Variants in ZNF235 observed in about 807,000 individuals in gnomAD.
ZNF235 encodes the protein zinc finger protein 235.
A neutral mutation model predicts 29.4 loss-of-function variants in ZNF235; 25 were observed. The observed-to-expected ratio is 0.85, with a 90% CI of 0.62 to 1.19. ZNF235 has a LOEUF of 1.19. Among genes scored for constraint, ZNF235 ranks in the 50% most tolerant of loss-of-function variants. ZNF235 has a pLI of 0.00. For synonymous variants in ZNF235, 300 were observed against 295.3 expected, an observed-to-expected ratio of 1.02 and a Z score of -0.16; for missense variants, 788 against 885.0, an observed-to-expected ratio of 0.89 and a Z score of 1.39.
At position 44,303,449 on chromosome 19, in the gene ZNF235, GA is replaced by G. The variant is rs1243375938; in HGVS notation, c.-46del. On this transcript the variant is annotated splice_region_variant and 5_prime_UTR_variant, in exon 2 of 5. Transcript: ENST00000291182. ...GGAAAAGGCAGAGTTCCGGGGAAGT[GA>G]ACCTGAGGGAGGGAAAGGCATCATG... 30 of 1,602,702 alleles carry G rather than the reference GA, an allele frequency of 1.9e-5. No individual in the cohort carries two copies. Among genetic ancestry groups the G allele is most frequent in the Non-Finnish European group, 2.5e-5 (29 of 1,172,960 alleles).
chr19:44,296,250 G>A (rs796815624), intron 4 of ZNF235, among the ~76,000 whole-genome samples: 9 of 152,256 alleles, frequency 5.9e-5, no homozygotes, highest in African/African-American at 2.2e-4. Flanking sequence ...AGGAACAGCA[G>A]AAAGTTGATA....
Position 44,287,576 on chromosome 19 carries a change from ACT to A in ZNF235, c.1857_1858del (p.Arg619SerfsTer9). The stretch of plus-strand genomic sequence containing the variant: ...TTTATATGGTTTCTCTCCGGTGTGG[ACT>A]CTCTGATGGGCTTGAAGGTGTGAGG... On this transcript the variant is annotated frameshift_variant, in exon 5 of 5. Coordinates refer to ENST00000291182, the MANE Select transcript of ZNF235 (RefSeq NM_004234.4). LOFTEE classifies it high-confidence loss of function. 1.2e-6 allele frequency: 2 copies of A among 1,614,018 alleles called. No individual in the cohort carries two copies. The highest frequency in any genetic ancestry group is 1.6e-4 in the Middle Eastern group (1 of 6,062).
intron 4 of ZNF235, among the ~76,000 whole-genome samples, chr19:44,296,601 T>C (rs1975657431): frequency 6.6e-6 from 1 of 152,194 alleles, no homozygotes; most frequent in Non-Finnish European, 1.5e-5. Flanking sequence ...TAATCAATTT[T>C]CTATGTTTTA....
intron 2 of ZNF235, among the ~76,000 whole-genome samples, chr19:44,301,145 C>T (rs1350659055): frequency 6.6e-6 from 1 of 152,068 alleles, no homozygotes; most frequent in Non-Finnish European, 1.5e-5. Context: ...AGTAACATTA[C>T]TATTAAGAAT....
At position 44,286,817 on chromosome 19, in the gene ZNF235, A is replaced by G; in HGVS notation, c.*401T>C. 1 of 165,680 alleles carries G rather than the reference A, an allele frequency of 6.0e-6. No homozygotes were observed. The highest frequency in any genetic ancestry group is 1.3e-5 in the Non-Finnish European group (1 of 76,370). The allele number at this position is 165,680 out of a possible 1,614,324, so 10.3% of individuals were successfully genotyped here. Reference sequence around the variant, plus strand: ...CCAAGCACAATTCTACATGGTAGAGATAGAGTGGTGAAAAACACCTCCTTA... The same window carrying G: ...CCAAGCACAATTCTACATGGTAGAGGTAGAGTGGTGAAAAACACCTCCTTA... On this transcript the variant is annotated 3_prime_UTR_variant, in exon 5 of 5. Coordinates refer to ENST00000291182, the MANE Select transcript of ZNF235 (RefSeq NM_004234.4).
chr19:44,288,694 C>G lies in ZNF235; in HGVS notation c.741G>C (p.Lys247Asn). 2.5e-6 allele frequency: 4 copies of G among 1,614,094 alleles called. No individual in the cohort carries two copies. The highest frequency in any genetic ancestry group is 3.4e-6 in the Non-Finnish European group (4 of 1,180,002). The stretch of plus-strand genomic sequence containing the variant: ...TACTACGCTGGGTAAGAGGTGATAC[C>G]TTTAGGGTATCTTTACCACAATCAC... ...SNSDCGKDTLKVSPLTQRSIH... is the reference protein window; with the variant it reads ...SNSDCGKDTLNVSPLTQRSIH... The change falls in exon 5 of 5, where the codon AAG becomes AAC. Residue 247 changes from lysine to asparagine, a missense_variant. By Grantham distance (94) the Lys-to-Asn change is moderately conservative (BLOSUM62 0). Transcript: ENST00000291182.
chr19:44,296,629 T>C (rs1436392614), intron 4 of ZNF235, among the ~76,000 whole-genome samples: 1 of 152,202 alleles, frequency 6.6e-6, no homozygotes, highest in Non-Finnish European at 1.5e-5. Context: ...TTGAAGTATA[T>C]GGACCTAACA....
At chr19:44,303,532 A>C in intron 1 of ZNF235, 80 bp from the exon 2 acceptor site, 3 of 1,289,298 alleles carry the variant, frequency 2.3e-6, no homozygotes, top group Non-Finnish European at 2.2e-6. Context: ...ACTTCAGAGA[A>C]AGGTCCCCCT....
chr19:44,287,722 G>C lies in ZNF235; in HGVS notation c.1713C>G (p.Tyr571Ter). Reference sequence around the variant, plus strand: ...AACCCTTACCACACTCTTCACATTTGTAGGGTTTCTCTCCGGTGTGGACTC... The same window carrying C: ...AACCCTTACCACACTCTTCACATTTCTAGGGTTTCTCTCCGGTGTGGACTC... ...HQRVHTGEKP[Y>*]KCEECGKGFS... The change falls in exon 5 of 5, where the codon TAC becomes TAG. Residue 571 changes from tyrosine (Y) to a stop codon, truncating the protein, a stop_gained. Coordinates refer to ENST00000291182, the MANE Select transcript of ZNF235 (RefSeq NM_004234.4). LOFTEE classifies it high-confidence loss of function. The C allele has an allele frequency of 6.2e-7, 1 of 1,610,840 alleles. No homozygotes were observed. The highest frequency in any genetic ancestry group is 8.5e-7 in the Non-Finnish European group (1 of 1,178,976).
At position 44,286,928 on chromosome 19, in the gene ZNF235, G is replaced by A. The variant is rs1356308997; in HGVS notation, c.*290C>T. On this transcript the variant is annotated 3_prime_UTR_variant, in exon 5 of 5. Transcript: ENST00000291182. Reference sequence around the variant, plus strand: ...AAGGCCTCTCTCCTGTGCAGACTCCGACAAGACTTTTCTGCTGTGTTACAT... The same window carrying A: ...AAGGCCTCTCTCCTGTGCAGACTCCAACAAGACTTTTCTGCTGTGTTACAT... 3.5e-5 allele frequency: 10 copies of A among 289,756 alleles called. No individual in the cohort carries two copies. The highest frequency in any genetic ancestry group is 5.1e-5 in the Non-Finnish European group (8 of 155,698). 17.9% of individuals were successfully genotyped at this position (289,756 alleles called of 1,614,324 possible).
At chr19:44,295,916 C>T (rs1975647827) in intron 4 of ZNF235, among the ~76,000 whole-genome samples, 1 of 152,250 alleles carries the variant, frequency 6.6e-6, no homozygotes, top group Admixed American at 6.5e-5. Context: ...AGATCCATAA[C>T]AGATTCTAAT....
chr19:44,296,563 TAAC>T (rs1326618434), intron 4 of ZNF235, among the ~76,000 whole-genome samples: 2 of 152,190 alleles, frequency 1.3e-5, no homozygotes, highest in Non-Finnish European at 2.9e-5. Context: ...GATGATATCT[TAAC>T]AAAGGACATA....
intron 1 of ZNF235, among the ~76,000 whole-genome samples, chr19:44,304,544 T>C (rs1975802543): frequency 6.6e-6 from 1 of 152,250 alleles, no homozygotes; most frequent in African/African-American, 2.4e-5. Flanking sequence ...TTCAGTATTA[T>C]AACAGAATTA....
Position 44,288,493 on chromosome 19 carries a change from A to C in ZNF235, c.942T>G (p.Thr314=), listed in dbSNP as rs1288201569. The change falls in exon 5 of 5, where the codon ACT becomes ACG. Residue 314 remains threonine, a synonymous_variant. Coordinates refer to ENST00000291182, the MANE Select transcript of ZNF235 (RefSeq NM_004234.4). The part of the protein sequence containing the change: ...SGIPVQQSVR[T]GKKRYWCHEC... ...CATGACACCAATAGCGTTTTTTCCC[A>C]GTACGAACACTTTGTTGAACAGGAA... 1 of 1,614,164 alleles carries C rather than the reference A, an allele frequency of 6.2e-7. No homozygotes were observed. The highest frequency in any genetic ancestry group is 1.3e-5 in the African/African-American group (1 of 75,048).
intron 4 of ZNF235, chr19:44,289,416 G>A (rs1044028887): frequency 4.0e-6 from 2 of 504,866 alleles, no homozygotes; most frequent in Non-Finnish European, 6.9e-6. Context: ...GATCAGCCCA[G>A]GGTATGGTTA....
intron 4 of ZNF235, among the ~76,000 whole-genome samples, chr19:44,296,906 A>G (rs1178993815): frequency 6.6e-6 from 1 of 152,228 alleles, no homozygotes; most frequent in East Asian, 1.9e-4. Context: ...CCAATAGATC[A>G]AAGAAGAAAT....
rs1332138752 is a variant in ZNF235, at chr19:44,287,288, C to G, written c.2147G>C (p.Cys716Ser). 1 of 1,613,334 alleles carries G rather than the reference C, an allele frequency of 6.2e-7. No homozygotes were observed. Among genetic ancestry groups the G allele is most frequent in the Admixed American group, 1.7e-5 (1 of 59,986 alleles). Residue 716 changes from cysteine to serine, a missense_variant, in exon 5 of 5, where the codon TGT becomes TCT. Cys to Ser is a moderately radical substitution (Grantham distance 112). Coordinates refer to ENST00000291182, the MANE Select transcript of ZNF235 (RefSeq NM_004234.4). ...TGACCTCTGACTGAAGCCCTTACAA[C>G]AGACATCACATATGTAAGGCCTCTC... ...TGERPYICDV[C>S]CKGFSQRSHL... is the part of the protein sequence containing the mutation.
At chr19:44,304,931 G>A (rs112795831) in intron 1 of ZNF235, 40 bp downstream of exon 1, 1 of 985,370 alleles carries the variant, frequency 1.0e-6, no homozygotes, top group Non-Finnish European at 1.2e-6. Flanking sequence ...CCTAGGCAAA[G>A]AGGGCTCGGA....
Position 44,288,782 on chromosome 19 carries a change from C to T in ZNF235, c.653G>A (p.Ser218Asn), listed in dbSNP as rs1442141508. Residue 218 changes from serine to asparagine, a missense_variant, in exon 5 of 5, where the codon AGT becomes AAT. Ser to Asn is a conservative substitution (Grantham distance 46). Transcript: ENST00000291182. The stretch of plus-strand genomic sequence containing the variant: ...ATCATCATGGTGGTGTGAAATACAA[C>T]TGAAAATGTCAACATATGGAGCAAA... The part of the protein sequence containing the change: ...CIFAPYVDIF[S>N]CISHHHDDNI... 3 of 1,613,848 alleles carry T rather than the reference C, an allele frequency of 1.9e-6. No homozygotes were observed. The highest frequency in any genetic ancestry group is 1.1e-5 in the South Asian group (1 of 91,038).
Sources: gnomAD v4.1 joint callset for allele counts (sites outside exome capture counted in the v4.1 genomes callset) on GRCh38, gnomAD v4.1.1 for gene constraint, MANE v1.5 for transcripts, NCBI Gene and HGNC (gene_info 2026-07-23, HGNC 2026-07-21) for gene names.